RIOX2: variants seen among roughly 807,000 people sequenced by gnomAD.
The protein encoded by RIOX2 is 60S ribosomal protein L27a histidine hydroxylase.
A neutral mutation model predicts 51.2 loss-of-function variants in RIOX2; 43 were observed. The observed-to-expected ratio is 0.84, with a 90% CI of 0.66 to 1.08. RIOX2 has a LOEUF of 1.08. Ranked by LOEUF, RIOX2 falls within the 50% of genes least tolerant of loss-of-function variation. RIOX2 has a pLI of 0.00. For synonymous variants in RIOX2, 226 were observed against 218.5 expected (o/e 1.03, Z -0.30); for missense variants, 566 against 561.7 (o/e 1.01, Z -0.08).
intron 1 of RIOX2, among the ~76,000 whole-genome samples, chr3:97,970,700 T>C (rs1217247498): frequency 6.6e-6 from 1 of 152,182 alleles, no homozygotes; most frequent in African/African-American, 2.4e-5. Flanking sequence ...TGAAGAGCAA[T>C]TGTTTTCCAT....
Position 97,967,469 on chromosome 3 carries a change from A to G in RIOX2, c.125T>C (p.Phe42Ser). 1 of 1,614,134 alleles carries G rather than the reference A, an allele frequency of 6.2e-7. No individual in the cohort carries two copies. The highest frequency in any genetic ancestry group is 8.5e-7 in the Non-Finnish European group (1 of 1,180,024). ...CTTGATGGGCGAGATTAAACTTTCA[A>G]AGAGACTACTGGGACTGTCAAAGTT... ...ALNFDSPSSLFESLISPIKTE... is the reference protein window; with the variant it reads ...ALNFDSPSSLSESLISPIKTE... The change falls in exon 2 of 10, where the codon TTT (phenylalanine) becomes TCT (serine). Residue 42 changes from phenylalanine (F) to serine (S), a missense_variant. Physicochemically the swap from Phe to Ser is radical, Grantham distance 155. Transcript: ENST00000394198.
chr3:97,947,395 A>G lies in RIOX2; in HGVS notation c.1115T>C (p.Ile372Thr), dbSNP rs773307677. ...TTGATCCGGCAGTACTGTGAGGACA[A>G]TGTGGTCTTTAAACTGCAGTCTCAC... is the stretch of plus-strand genomic sequence containing the variant. ...SVVRLQFKDH[I>T]VLTVLPDQDQ... Residue 372 changes from isoleucine to threonine, a missense_variant, in exon 8 of 10, where the codon ATT (isoleucine) becomes ACT (threonine). By Grantham distance (89) the Ile-to-Thr change is moderately conservative. Coordinates refer to ENST00000394198, the MANE Select transcript of RIOX2 (RefSeq NM_153182.4). 4 of 1,613,548 alleles carry G rather than the reference A, an allele frequency of 2.5e-6. No homozygotes were observed. The highest frequency in any genetic ancestry group is 2.5e-6 in the Non-Finnish European group (3 of 1,179,570).
In RIOX2 at chr3:97,957,388, C is replaced by T. The variant is rs562369904; in HGVS notation, c.681+1663G>A. Among the ~76,000 whole-genome samples, 231 of 151,090 alleles carry T rather than the reference C, an allele frequency of 1.5e-3. 1 individual carries two copies. Among genetic ancestry groups the T allele is most frequent in the African/African-American group, 5.3e-3 (218 of 41,188 alleles). Reference sequence around the variant, plus strand: ...GTAGGCAGCTGTAATCCCAGCTACTCGGGAGGCTGAGGCAGGAGAATTGCT... The same window carrying T: ...GTAGGCAGCTGTAATCCCAGCTACTTGGGAGGCTGAGGCAGGAGAATTGCT... On this transcript the variant is annotated intron_variant, in intron 4 of 9. Transcript: ENST00000394198.
At chr3:97,968,118 G>T (rs1445235522) in intron 1 of RIOX2, among the ~76,000 whole-genome samples, 2 of 152,106 alleles carry the variant, frequency 1.3e-5, no homozygotes, top group Non-Finnish European at 2.9e-5. Flanking sequence ...GCTCCTCACC[G>T]CAGCACCACC....
chr3:97,969,802 G>A (rs1192382108), intron 1 of RIOX2, among the ~76,000 whole-genome samples: 1 of 152,204 alleles, frequency 6.6e-6, no homozygotes, highest in Non-Finnish European at 1.5e-5. Flanking sequence ...CTTGCACTTG[G>A]TATCCCCAGA....
At chr3:97,951,724 C>T (rs991397492) in intron 5 of RIOX2, among the ~76,000 whole-genome samples, 7 of 152,192 alleles carry the variant, frequency 4.6e-5, no homozygotes, top group African/African-American at 1.7e-4. Flanking sequence ...AAAATTAACA[C>T]TGTTATGCTT....
intron 4 of RIOX2, among the ~76,000 whole-genome samples, chr3:97,955,977 T>C (rs1705436157): frequency 6.6e-6 from 1 of 152,164 alleles, no homozygotes; most frequent in African/African-American, 2.4e-5. Flanking sequence ...ATGGTACATC[T>C]ACATAGGACT....
In RIOX2 at chr3:97,943,228, G is replaced by C. The variant is rs200227709; in HGVS notation, c.*1956C>G. 1,392 of 1,542,628 alleles carry C rather than the reference G, an allele frequency of 9.0e-4. 12 individuals carry two copies. Among genetic ancestry groups the C allele is most frequent in the South Asian group, 4.1e-3 (350 of 85,944 alleles). The stretch of plus-strand genomic sequence containing the variant: ...TTCTTTTGGAATTTCTATTTTAGGA[G>C]GAAATTATTGTGACAAGACTCATGT... On this transcript the variant is annotated 3_prime_UTR_variant, in exon 10 of 10. Coordinates refer to ENST00000394198, the MANE Select transcript of RIOX2 (RefSeq NM_153182.4).
In RIOX2 at chr3:97,942,323, A is replaced by C. The variant is rs1252857983; in HGVS notation, c.*2861T>G. ...TCTTGATGTGATTGGTGGCCGGGAC[A>C]CACCTGGAGCTAAAGTAGCTCTATG... On this transcript the variant is annotated 3_prime_UTR_variant, in exon 10 of 10. Transcript: ENST00000394198. 6.2e-7 allele frequency: 1 copy of C among 1,611,552 alleles called. No homozygotes were observed. The highest frequency in any genetic ancestry group is 8.5e-7 in the Non-Finnish European group (1 of 1,178,450).
rs2040324468 is a variant in RIOX2 at position 97,945,154 on chromosome 3, A to AAAT, written c.*27_*29dup. The AAAT allele has an allele frequency of 1.3e-6, 2 of 1,577,612 alleles. No individual in the cohort carries two copies. Among genetic ancestry groups the AAAT allele is most frequent in the Non-Finnish European group, 1.7e-6 (2 of 1,164,886 alleles). ...GCTTTTCTTTTAATATATGCATATA[A>AAAT]AATAGTAGGCATTTGATTCTGCAAA... On this transcript the variant is annotated 3_prime_UTR_variant, in exon 10 of 10. Coordinates refer to ENST00000394198, the MANE Select transcript of RIOX2 (RefSeq NM_153182.4).
At position 97,945,044 on chromosome 3, in the gene RIOX2, C is replaced by T; in HGVS notation, c.*140G>A. The T allele has an allele frequency of 6.2e-6, 4 of 647,640 alleles. No individual in the cohort carries two copies. Among genetic ancestry groups the T allele is most frequent in the South Asian group, 3.1e-5 (1 of 32,046 alleles). 40.1% of individuals were successfully genotyped at this position (647,640 alleles called of 1,614,324 possible). A position where few individuals can be genotyped will look rare whatever the true frequency, so the allele number is the denominator to read the frequency against. On this transcript the variant is annotated 3_prime_UTR_variant, in exon 10 of 10. Coordinates refer to ENST00000394198, the MANE Select transcript of RIOX2 (RefSeq NM_153182.4). ...CCGTTAGTACATTTGGCCAACTGACCACCTGTAACAGGGAGGTCTCATGTT... is the reference window on the plus strand; with the variant it reads ...CCGTTAGTACATTTGGCCAACTGACTACCTGTAACAGGGAGGTCTCATGTT...
intron 6 of RIOX2, 56 bp downstream of exon 6, chr3:97,950,730 C>G: frequency 7.1e-7 from 1 of 1,415,352 alleles, no homozygotes; most frequent in Non-Finnish European, 1.0e-6. Context: ...GGTAGGACTT[C>G]AGCTGGCCTG....
chr3:97,952,103 C>T, intron 5 of RIOX2: 1 of 1,119,056 alleles, frequency 8.9e-7, no homozygotes, highest in East Asian at 5.8e-5. Context: ...CCCAAACACT[C>T]CAACAATGCT....
chr3:97,949,774 G>T, intron 7 of RIOX2, 70 bp downstream of exon 7: 1 of 1,402,648 alleles, frequency 7.1e-7, no homozygotes, highest in Non-Finnish European at 9.9e-7. Context: ...TCAAAAAGGA[G>T]CCTACCCAGA....
At chr3:97,959,648 T>C (rs1705599081) in intron 3 of RIOX2, among the ~76,000 whole-genome samples, 1 of 152,214 alleles carries the variant, frequency 6.6e-6, no homozygotes, top group Non-Finnish European at 1.5e-5. Context: ...GGTCCGCTTA[T>C]ATGCTGATTT....
intron 9 of RIOX2, 128 bp downstream of exon 9, chr3:97,945,670 G>A: frequency 1.4e-6 from 1 of 699,792 alleles, no homozygotes; most frequent in Non-Finnish European, 2.4e-6. Flanking sequence ...AGCTCTGTGA[G>A]TAGTGCAAAA....
intron 3 of RIOX2, 78 bp from the exon 4 acceptor site, chr3:97,959,257 C>T (rs2107172485): frequency 7.1e-7 from 1 of 1,407,092 alleles, no homozygotes; most frequent in Non-Finnish European, 9.6e-7. Context: ...ACTATTAGCC[C>T]TCTAAGGGGC....
At position 97,942,744 on chromosome 3, in the gene RIOX2, T is replaced by C. The variant is rs1180749128; in HGVS notation, c.*2440A>G. 1 of 251,466 alleles carries C rather than the reference T, an allele frequency of 4.0e-6. No homozygotes were observed. Among genetic ancestry groups the C allele is most frequent in the African/African-American group, 2.3e-5 (1 of 44,410 alleles). The allele number at this position is 251,466 out of a possible 1,614,324, so 15.6% of individuals were successfully genotyped here. Reference sequence around the variant, plus strand: ...CATGAAATGAATGTCATCTGTTTCTTAGAAACATCTCTAGCTTTTTGCCAG... The same window carrying C: ...CATGAAATGAATGTCATCTGTTTCTCAGAAACATCTCTAGCTTTTTGCCAG... On this transcript the variant is annotated 3_prime_UTR_variant, in exon 10 of 10. Transcript: ENST00000394198.
In RIOX2 at chr3:97,967,404, G is replaced by C; in HGVS notation, c.190C>G (p.Leu64Val). ...FFKEFWEQKP[L>V]LIQRDDPALA... Reference sequence around the variant, plus strand: ...GCAGGGTCATCTCTCTGAATGAGAAGGGGCTTCTGCTCCCAGAATTCCTTG... The same window carrying C: ...GCAGGGTCATCTCTCTGAATGAGAACGGGCTTCTGCTCCCAGAATTCCTTG... Residue 64 changes from leucine to valine, a missense_variant, in exon 2 of 10, where the codon CTT becomes GTT. Physicochemically the swap from Leu to Val is conservative, Grantham distance 32. Coordinates refer to ENST00000394198, the MANE Select transcript of RIOX2 (RefSeq NM_153182.4). 2 of 1,614,152 alleles carry C rather than the reference G, an allele frequency of 1.2e-6. No homozygotes were observed. Among genetic ancestry groups the C allele is most frequent in the Non-Finnish European group, 1.7e-6 (2 of 1,180,032 alleles).
Sources: gnomAD v4.1 joint callset for allele counts (sites outside exome capture counted in the v4.1 genomes callset) on GRCh38, gnomAD v4.1.1 for gene constraint, MANE v1.5 for transcripts, NCBI Gene and HGNC (gene_info 2026-07-23, HGNC 2026-07-21) for gene names.